The following VTCN1 variants were observed in gnomAD, a reference collection of about 807,000 sequenced individuals.
The protein encoded by VTCN1 is V-set domain containing T cell activation inhibitor 1, also known as V-set domain-containing T-cell activation inhibitor 1.
Under a neutral mutation model 26.5 loss-of-function variants are expected in VTCN1, and 26 were observed. The observed-to-expected ratio is 0.98, with a 90% CI of 0.72 to 1.36. The LOEUF (loss-of-function observed/expected upper bound fraction) is 1.36, where lower values mean the gene tolerates loss of function less well. Among genes scored for constraint, VTCN1 ranks in the 40% most tolerant of loss-of-function variants. The pLI is 0.00. For synonymous variants in VTCN1, 116 were observed against 130.7 expected (o/e 0.89, Z 0.77); for missense variants, 298 against 337.7 (o/e 0.88, Z 0.92).
In VTCN1 at chr1:117,210,871, C is replaced by T. The variant is rs374303832; in HGVS notation, c.-16G>A. 5 of 1,613,938 alleles carry T rather than the reference C, an allele frequency of 3.1e-6. No individual in the cohort carries two copies. The highest frequency in any genetic ancestry group is 4.2e-6 in the Non-Finnish European group (5 of 1,179,970). ...GGGAAGCCATGGCTGGGGAAGGTTC[C>T]CAGCGTATCTGGGTACTGGCTGAGT... On this transcript the variant is annotated 5_prime_UTR_variant, in exon 1 of 6. Transcript: ENST00000369458.
intron 1 of VTCN1, among the ~76,000 whole-genome samples, chr1:117,177,921 CTTTTT>C (rs79283862): frequency 2.5e-5 from 3 of 119,076 alleles, no homozygotes; most frequent in Non-Finnish European, 1.8e-5. Context: ...GTTTTCTTTT[CTTTTT>C]TTTTTTTTTT....
At chr1:117,181,321 T>A (rs1647660943) in intron 1 of VTCN1, among the ~76,000 whole-genome samples, 1 of 152,182 alleles carries the variant, frequency 6.6e-6, no homozygotes, top group Non-Finnish European at 1.5e-5. Context: ...AACTCCTGAT[T>A]GCTTATGAAA....
At chr1:117,206,289 A>G (rs1273423454) in intron 1 of VTCN1, among the ~76,000 whole-genome samples, 1 of 152,178 alleles carries the variant, frequency 6.6e-6, no homozygotes, top group Non-Finnish European at 1.5e-5. Flanking sequence ...TTTCAGGATC[A>G]GAAGTGCCAG....
At chr1:117,198,081 A>G (rs1648605615) in intron 1 of VTCN1, among the ~76,000 whole-genome samples, 1 of 152,126 alleles carries the variant, frequency 6.6e-6, no homozygotes, top group African/African-American at 2.4e-5. Flanking sequence ...TGTCACTTCA[A>G]CCTTACTCAG....
At chr1:117,199,133 A>T (rs1208040057) in intron 1 of VTCN1, among the ~76,000 whole-genome samples, 6 of 152,108 alleles carry the variant, frequency 3.9e-5, no homozygotes, top group Admixed American at 3.9e-4. Context: ...CCCAGTGCCT[A>T]GTTTCTTGAA....
chr1:117,178,995 G>C (rs557977645), intron 1 of VTCN1, among the ~76,000 whole-genome samples: 1 of 152,086 alleles, frequency 6.6e-6, no homozygotes, highest in East Asian at 1.9e-4. Context: ...ACAAAACCAC[G>C]GGAATCTCAG....
At chr1:117,171,890 C>T (rs148725009) in intron 1 of VTCN1, among the ~76,000 whole-genome samples, 12 of 152,290 alleles carry the variant, frequency 7.9e-5, no homozygotes, top group African/African-American at 2.9e-4. Flanking sequence ...AGGGTAGGAG[C>T]TCACCGATGG....
At chr1:117,177,501 G>A (rs1449740606) in intron 1 of VTCN1, among the ~76,000 whole-genome samples, 1 of 152,186 alleles carries the variant, frequency 6.6e-6, no homozygotes, top group African/African-American at 2.4e-5. Flanking sequence ...ATTATGTGGG[G>A]CTTGAGGGGT....
chr1:117,148,354 C>T (rs1651620696), intron 4 of VTCN1, among the ~76,000 whole-genome samples: 1 of 152,156 alleles, frequency 6.6e-6, no homozygotes, highest in African/African-American at 2.4e-5. Context: ...CCAGTTTCTT[C>T]ATCTATAAAT....
chr1:117,176,047 G>C (rs1024832446), intron 1 of VTCN1, among the ~76,000 whole-genome samples: 13 of 152,146 alleles, frequency 8.5e-5, no homozygotes, highest in Admixed American at 7.9e-4. Context: ...TGGGATTACA[G>C]GTGTGAGCCA....
chr1:117,175,191 G>C lies in VTCN1; in HGVS notation c.33-5020C>G, dbSNP rs748823162. 9.9e-5 allele frequency among the ~76,000 whole-genome samples: 15 copies of C among 152,198 alleles called. No individual in the cohort carries two copies. The highest frequency in any genetic ancestry group is 1.8e-4 in the Non-Finnish European group (12 of 68,020). ...TCACAATAAAGGTAACAGGCCTTAT[G>C]GGGGAAAATAGGCTTAAAGGCAGAG... is the stretch of plus-strand genomic sequence containing the variant. On this transcript the variant is annotated intron_variant, in intron 1 of 5. Coordinates refer to ENST00000369458, the MANE Select transcript of VTCN1 (RefSeq NM_024626.4). This position sits in a 1 kb window ranked among gnomAD's most constrained non-coding sequence, Gnocchi z 4.2.
intron 1 of VTCN1, among the ~76,000 whole-genome samples, chr1:117,202,104 C>T (rs1039804988): frequency 4.6e-5 from 7 of 152,130 alleles, no homozygotes; most frequent in African/African-American, 1.2e-4. Context: ...TATCATGCCT[C>T]GTAAGACTTT....
rs147510510 is a variant in VTCN1 at position 117,180,967 on chromosome 1, G to C, written c.33-10796C>G. Among the ~76,000 whole-genome samples the C allele has an allele frequency of 9.8e-3, 1,500 of 152,324 alleles. 30 individuals carry two copies. The highest frequency in any genetic ancestry group is 0.032 in the African/African-American group (1,339 of 41,572). The stretch of plus-strand genomic sequence containing the variant: ...GGCATTTCCTAATGGGGGCTCCACA[G>C]GAGCAGGAGACATGAACAGTTGGGC... On this transcript the variant is annotated intron_variant, in intron 1 of 5. Transcript: ENST00000369458.
rs573910572 is a variant in VTCN1, at chr1:117,199,450, C to T, written c.32+11374G>A. On this transcript the variant is annotated intron_variant, in intron 1 of 5. Coordinates refer to ENST00000369458, the MANE Select transcript of VTCN1 (RefSeq NM_024626.4). Reference sequence around the variant, plus strand: ...AAGCAATTCTCCTGCCTCAGCCTCCCGAGTAGCTGGGATTGCAGATGCCCA... The same window carrying T: ...AAGCAATTCTCCTGCCTCAGCCTCCTGAGTAGCTGGGATTGCAGATGCCCA... Among the ~76,000 whole-genome samples the T allele has an allele frequency of 3.3e-5, 5 of 152,208 alleles. No homozygotes were observed. The South Asian group carries it at 1.0e-3, about 32-fold the overall frequency.
rs201748065 is a variant in VTCN1 at position 117,162,462 on chromosome 1, G to T, written c.98-5541C>A. On this transcript the variant is annotated intron_variant, in intron 2 of 5. Coordinates refer to ENST00000369458, the MANE Select transcript of VTCN1 (RefSeq NM_024626.4). ...GAGATTCTTTTTTTTTTATTTTTTG[G>T]AGACAGAGACTCACTCCACCAGAGA... Among the ~76,000 whole-genome samples, 4 of 151,696 alleles carry T rather than the reference G, an allele frequency of 2.6e-5. No individual in the cohort carries two copies. In the East Asian group the frequency reaches 7.7e-4, roughly 29 times the overall value.
chr1:117,158,564 C>T (rs960329263), intron 2 of VTCN1, among the ~76,000 whole-genome samples: 46 of 152,262 alleles, frequency 3.0e-4, no homozygotes, highest in African/African-American at 1.1e-3. Context: ...CTCCTAGGAC[C>T]CCAGGCCTGT....
rs1651576206 is a variant in VTCN1, at chr1:117,147,591, C to T, written c.*45+22G>A. On this transcript the variant is annotated intron_variant, in intron 5 of 5. Coordinates refer to ENST00000369458, the MANE Select transcript of VTCN1 (RefSeq NM_024626.4). The surrounding 1 kb of genome is among the most constrained non-coding windows in gnomAD (Gnocchi z 4.6). ...AAGCACCCACAGAACCAATATCCCA[C>T]ACTATTTGTGATTAATCTCACCTGT... 1.3e-6 allele frequency: 2 copies of T among 1,587,228 alleles called. No individual in the cohort carries two copies. Among genetic ancestry groups the T allele is most frequent in the South Asian group, 1.2e-5 (1 of 86,838 alleles).
intron 1 of VTCN1, chr1:117,170,404 AC>A: frequency 3.3e-6 from 2 of 604,894 alleles, no homozygotes; most frequent in Non-Finnish European, 3.1e-6. Flanking sequence ...CTTGCCTCTG[AC>A]TGTGCCATTT....
At chr1:117,204,968 G>A (rs956179394) in intron 1 of VTCN1, among the ~76,000 whole-genome samples, 3 of 150,850 alleles carry the variant, frequency 2.0e-5, no homozygotes, top group African/African-American at 7.4e-5. Context: ...AAAATGAGGT[G>A]TACTGACTTT....
Sources: gnomAD v4.1 joint callset for allele counts (sites outside exome capture counted in the v4.1 genomes callset) on GRCh38, gnomAD v4.1.1 for gene constraint, Gnocchi (gnomAD v3.1) non-coding constraint, MANE v1.5 for transcripts, NCBI Gene and HGNC (gene_info 2026-07-23, HGNC 2026-07-21) for gene names.